TEX9: variants seen among roughly 807,000 people sequenced by gnomAD.
TEX9 encodes testis-expressed protein 9.
TEX9 carries 74 observed loss-of-function variants against 59.6 expected under a neutral mutation model. The observed-to-expected ratio is 1.24, with a 90% confidence interval of 1.03 to 1.51. The LOEUF is 1.51. Among genes scored for constraint, TEX9 ranks in the 40% most tolerant of loss-of-function variants. TEX9 has a pLI of 0.00. For synonymous variants in TEX9, 186 were observed against 152.2 expected (o/e 1.22, Z -1.64); for missense variants, 522 against 447.8 (o/e 1.17, Z -1.49).
chr15:56,433,601 TA>T (rs749699387), intron 12 of TEX9, among the ~76,000 whole-genome samples: 15 of 152,110 alleles, frequency 9.9e-5, no homozygotes, highest in Non-Finnish European at 5.9e-5. Flanking sequence ...CTGGGATTAT[TA>T]TAATAACTTA....
At chr15:56,402,142 T>C (rs1409467700) in intron 9 of TEX9, among the ~76,000 whole-genome samples, 2 of 152,124 alleles carry the variant, frequency 1.3e-5, no homozygotes, top group Non-Finnish European at 2.9e-5. Context: ...AGAGCAGAAC[T>C]GAAGGAGATA....
intron 1 of TEX9, among the ~76,000 whole-genome samples, chr15:56,271,135 G>A (rs2044519412): frequency 6.6e-6 from 1 of 152,096 alleles, no homozygotes; most frequent in Admixed American, 6.6e-5. Context: ...TTCTCGTGGA[G>A]TATCTTTGTG....
At chr15:56,305,108 A>G (rs2045447433) in intron 1 of TEX9, among the ~76,000 whole-genome samples, 1 of 152,168 alleles carries the variant, frequency 6.6e-6, no homozygotes, top group Non-Finnish European at 1.5e-5. Context: ...AAACTATAAA[A>G]CACTGATGCA....
At chr15:56,321,190 C>A (rs1246944264) in intron 1 of TEX9, among the ~76,000 whole-genome samples, 1 of 152,146 alleles carries the variant, frequency 6.6e-6, no homozygotes, top group Non-Finnish European at 1.5e-5. Flanking sequence ...AAGAGGAATA[C>A]AATAAGGCCA....
the TEX9 span, among the ~76,000 whole-genome samples, chr15:56,460,003 A>ATATATATATAT: frequency 2.4e-4 from 8 of 32,856 alleles, 1 homozygote; most frequent in African/African-American, 7.9e-4. Flanking sequence ...AAAAAAAAAA[A>ATATATATATAT]AAAAAAATAC....
chr15:56,339,400 A>ACAAAC (rs1172618547), intron 1 of TEX9, among the ~76,000 whole-genome samples: 15 of 135,332 alleles, frequency 1.1e-4, no homozygotes, highest in Middle Eastern at 4.0e-3. Flanking sequence ...AAAAAAAAAA[A>ACAAAC]AAAAAAAAAA....
At chr15:56,326,765 C>T (rs984485876) in intron 1 of TEX9, among the ~76,000 whole-genome samples, 5 of 151,718 alleles carry the variant, frequency 3.3e-5, no homozygotes, top group African/African-American at 4.8e-5. Flanking sequence ...CAGTAGTGGG[C>T]TACTTCCTCA....
chr15:56,402,238 A>G (rs2048828277), intron 9 of TEX9, among the ~76,000 whole-genome samples: 1 of 152,228 alleles, frequency 6.6e-6, no homozygotes, highest in Non-Finnish European at 1.5e-5. Context: ...TTAGACCGCT[A>G]GCAAGACTAA....
chr15:56,360,413 AT>A (rs2046768753), intron 1 of TEX9, among the ~76,000 whole-genome samples: 1 of 152,104 alleles, frequency 6.6e-6, no homozygotes, highest in Admixed American at 6.6e-5. Flanking sequence ...CAGATTATCT[AT>A]TTCTCCTTGC....
intron 1 of TEX9, among the ~76,000 whole-genome samples, chr15:56,295,161 C>T (rs1361921618): frequency 1.3e-5 from 2 of 152,068 alleles, no homozygotes; most frequent in Non-Finnish European, 2.9e-5. Context: ...CAGTTCTGAC[C>T]TTATTAGCTG....
downstream of TEX9, among the ~76,000 whole-genome samples, chr15:56,450,361 A>G (rs1402153366): frequency 6.6e-6 from 1 of 152,290 alleles, no homozygotes; most frequent in South Asian, 2.1e-4. Flanking sequence ...CACTATTTCC[A>G]AAACTTTTTC....
upstream of TEX9, among the ~76,000 whole-genome samples, chr15:56,363,971 T>C (rs2046843044): frequency 6.6e-6 from 1 of 151,534 alleles, no homozygotes; most frequent in African/African-American, 2.4e-5. Context: ...CATGAGCCAC[T>C]GCACCTACCT....
chr15:56,260,752 G>C (rs932608687), intron 1 of TEX9, among the ~76,000 whole-genome samples: 1 of 151,738 alleles, frequency 6.6e-6, no homozygotes, highest in East Asian at 1.9e-4. Context: ...GGTTGTTCTA[G>C]CCTCAAAAAA....
intron 1 of TEX9, among the ~76,000 whole-genome samples, chr15:56,305,170 G>T (rs1231821560): frequency 6.6e-6 from 1 of 152,126 alleles, no homozygotes; most frequent in Non-Finnish European, 1.5e-5. Flanking sequence ...TCATGGATCG[G>T]AAGAGTTAAT....
At chr15:56,286,513 C>T (rs535402322) in intron 1 of TEX9, among the ~76,000 whole-genome samples, 1 of 152,218 alleles carries the variant, frequency 6.6e-6, no homozygotes, top group Admixed American at 6.5e-5. Flanking sequence ...AAAAAGATCC[C>T]CAGGCACTAA....
Position 56,273,352 on chromosome 15 carries a change from A to T in TEX9, c.-107+29074A>T, listed in dbSNP as rs374414614. Among the ~76,000 whole-genome samples the T allele has an allele frequency of 3.0e-3, 453 of 152,298 alleles. 3 individuals carry two copies. The highest frequency in any genetic ancestry group is 9.8e-3 in the African/African-American group (409 of 41,570). ...AGAATTTATAATGCATGTCTCAATTAATCACAGTTTACCTTCAAATAACAT... is the reference window on the plus strand; with the variant it reads ...AGAATTTATAATGCATGTCTCAATTTATCACAGTTTACCTTCAAATAACAT... On this transcript the variant is annotated intron_variant, in intron 1 of 5. Coordinates refer to the TEX9 transcript ENST00000560827.
Position 56,389,302 on chromosome 15 carries a change from A to C in TEX9, c.313-16A>C, listed in dbSNP as rs747699751. ...TAGACTCTAATTAGTCAATACTTTC[A>C]ATTCTTTTCATGTAGCCAAAGACCA... On this transcript the variant is annotated splice_polypyrimidine_tract_variant and intron_variant, in intron 5 of 12. Coordinates refer to ENST00000352903, the Ensembl canonical transcript of TEX9. 3.1e-6 allele frequency: 5 copies of C among 1,595,346 alleles called. No individual in the cohort carries two copies. The highest frequency in any genetic ancestry group is 1.3e-5 in the African/African-American group (1 of 74,378).
At chr15:56,401,399 C>T (rs1369238828) in intron 9 of TEX9, among the ~76,000 whole-genome samples, 2 of 150,306 alleles carry the variant, frequency 1.3e-5, no homozygotes, top group African/African-American at 4.9e-5. Context: ...AGAGAAAAGG[C>T]CATTACATAA....
Position 56,427,704 on chromosome 15 carries a change from C to T in TEX9, c.1063C>T (p.Gln355Ter). ...AGAATTAATGATAGGGTTCAAGAAA[C>T]AGTTAAAATTAATTGATGTTTTAAA... is the stretch of plus-strand genomic sequence containing the variant. The change falls in exon 11 of 13, where the codon CAG becomes TAG. Residue 355 changes from glutamine to a stop codon, truncating the protein, a stop_gained. Coordinates refer to ENST00000352903, the Ensembl canonical transcript of TEX9. LOFTEE classifies it high-confidence loss of function. The T allele has an allele frequency of 6.6e-7, 1 of 1,504,756 alleles. No homozygotes were observed. Among genetic ancestry groups the T allele is most frequent in the Non-Finnish European group, 8.9e-7 (1 of 1,124,900 alleles). The allele number at this position is 1,504,756 out of a possible 1,614,324, so 93.2% of individuals were successfully genotyped here.
Sources: gnomAD v4.1 joint callset for allele counts (sites outside exome capture counted in the v4.1 genomes callset) on GRCh38, gnomAD v4.1.1 for gene constraint, MANE v1.5 for transcripts, NCBI Gene and HGNC (gene_info 2026-07-23, HGNC 2026-07-21) for gene names.